The following KCNJ6 variants were observed in gnomAD, a reference collection of about 807,000 sequenced individuals.
KCNJ6 encodes the protein potassium inwardly rectifying channel subfamily J member 6.
Under a neutral mutation model 34.2 loss-of-function variants are expected in KCNJ6, and 9 were observed. The ratio of observed to expected loss-of-function variants is 0.26; its 90% CI spans 0.16 to 0.46. KCNJ6 has a LOEUF of 0.46. Ranked by LOEUF, KCNJ6 falls within the 20% of genes least tolerant of loss-of-function variation. The probability of loss-of-function intolerance (pLI) is 1.00; values close to 1 mark genes in which losing one functional copy is unlikely to be tolerated. For missense variants in KCNJ6, 236 were observed against 531.3 expected, an observed-to-expected ratio of 0.44 and a Z score of 5.46; for synonymous variants, 196 against 207.1, an observed-to-expected ratio of 0.95 and a Z score of 0.46.
intron 3 of KCNJ6, among the ~76,000 whole-genome samples, chr21:37,711,496 A>G (rs1486142181): frequency 6.6e-6 from 1 of 152,170 alleles, no homozygotes; most frequent in Non-Finnish European, 1.5e-5. Flanking sequence ...TGCTATTATC[A>G]CGGCTCCTGA....
At chr21:37,810,154 A>G (rs190321847) in intron 2 of KCNJ6, among the ~76,000 whole-genome samples, 99 of 152,050 alleles carry the variant, frequency 6.5e-4, no homozygotes, top group Middle Eastern at 6.8e-3. Flanking sequence ...AACACACAAA[A>G]TTTTTTCAAG....
At chr21:37,855,685 AT>A (rs2055561478) in intron 1 of KCNJ6, among the ~76,000 whole-genome samples, 1 of 152,198 alleles carries the variant, frequency 6.6e-6, no homozygotes, top group South Asian at 2.1e-4. Flanking sequence ...GGGACCAGTC[AT>A]TGCAGAATCA....
intron 2 of KCNJ6, among the ~76,000 whole-genome samples, chr21:37,767,221 G>A (rs2055095584): frequency 1.3e-5 from 2 of 152,192 alleles, no homozygotes; most frequent in South Asian, 4.1e-4. Context: ...TCTTTGTCTA[G>A]GTGAGAAAGA....
chr21:37,655,235 GAGA>G (rs2054457002), intron 3 of KCNJ6, among the ~76,000 whole-genome samples: 41 of 2,548 alleles, frequency 0.016, no homozygotes, highest in African/African-American at 0.043. Context: ...GAGAGAGAGA[GAGA>G]GAGAGAGAGA....
intron 2 of KCNJ6, among the ~76,000 whole-genome samples, chr21:37,787,965 G>A (rs2055199916): frequency 6.6e-6 from 1 of 152,156 alleles, no homozygotes; most frequent in African/African-American, 2.4e-5. Context: ...CAGATAGGAA[G>A]ATATCTTCTT....
intron 1 of KCNJ6, among the ~76,000 whole-genome samples, chr21:37,884,455 G>T (rs183352682): frequency 6.6e-6 from 1 of 151,950 alleles, no homozygotes; most frequent in Non-Finnish European, 1.5e-5. Context: ...GCCTTCCAGG[G>T]AGCATCATCT....
chr21:37,742,443 G>A (rs1426823708), intron 2 of KCNJ6, among the ~76,000 whole-genome samples: 1 of 151,950 alleles, frequency 6.6e-6, no homozygotes, highest in African/African-American at 2.4e-5. Context: ...TTTTTTTGTT[G>A]TTGTTGTTCT....
At chr21:37,786,570 C>A (rs1231886614) in intron 2 of KCNJ6, among the ~76,000 whole-genome samples, 1 of 152,216 alleles carries the variant, frequency 6.6e-6, no homozygotes, top group Admixed American at 6.5e-5. Flanking sequence ...AGTGCAGCTA[C>A]CCCGATTGGT....
chr21:37,889,081 A>G (rs1037150578), intron 1 of KCNJ6, among the ~76,000 whole-genome samples: 1 of 152,220 alleles, frequency 6.6e-6, no homozygotes, highest in Non-Finnish European at 1.5e-5. Flanking sequence ...AGGGTGGGGC[A>G]TCCTGAAACC....
chr21:37,650,565 G>A (rs2054428652), intron 3 of KCNJ6, among the ~76,000 whole-genome samples: 2 of 152,102 alleles, frequency 1.3e-5, no homozygotes, highest in South Asian at 4.1e-4. Context: ...CTCTCCCTCT[G>A]TTTATTGAAA....
At chr21:37,915,370 T>A (rs972627935) in intron 1 of KCNJ6, among the ~76,000 whole-genome samples, 5 of 152,166 alleles carry the variant, frequency 3.3e-5, no homozygotes, top group African/African-American at 1.2e-4. Flanking sequence ...CAGTTAGGAG[T>A]TACAGTATTC....
chr21:37,697,801 A>G (rs1475128786), intron 3 of KCNJ6, among the ~76,000 whole-genome samples: 1 of 152,074 alleles, frequency 6.6e-6, no homozygotes, highest in Non-Finnish European at 1.5e-5. Flanking sequence ...TGGATGTGTG[A>G]TTTATATTTG....
intron 3 of KCNJ6, among the ~76,000 whole-genome samples, chr21:37,683,625 G>A (rs1261940421): frequency 6.6e-6 from 1 of 152,190 alleles, no homozygotes; most frequent in Non-Finnish European, 1.5e-5. Flanking sequence ...TTGTTTGTTC[G>A]TTTGCATGAA....
At chr21:37,761,753 T>C (rs2055066134) in intron 2 of KCNJ6, among the ~76,000 whole-genome samples, 1 of 151,644 alleles carries the variant, frequency 6.6e-6, no homozygotes, top group South Asian at 2.1e-4. Flanking sequence ...GTGGTATGTG[T>C]GTATGTGTTG....
chr21:37,691,767 C>T (rs889232922), intron 3 of KCNJ6, among the ~76,000 whole-genome samples: 35 of 152,168 alleles, frequency 2.3e-4, no homozygotes, highest in African/African-American at 7.0e-4. Flanking sequence ...TGAGTAACCG[C>T]GCACCTGTGC....
At chr21:37,708,109 C>A (rs1403782214) in intron 3 of KCNJ6, among the ~76,000 whole-genome samples, 2 of 152,096 alleles carry the variant, frequency 1.3e-5, no homozygotes, top group Non-Finnish European at 1.5e-5. Context: ...GAAGGAAGAA[C>A]AATGGATTTT....
At chr21:37,872,811 T>C (rs909347526) in intron 1 of KCNJ6, among the ~76,000 whole-genome samples, 1 of 152,206 alleles carries the variant, frequency 6.6e-6, no homozygotes, top group East Asian at 1.9e-4. Flanking sequence ...TCGGAGGTAA[T>C]TGAACCATGG....
chr21:37,827,975 C>T (rs935873908), intron 2 of KCNJ6, among the ~76,000 whole-genome samples: 10 of 152,152 alleles, frequency 6.6e-5, no homozygotes, highest in African/African-American at 2.2e-4. Flanking sequence ...CCTGTAGCCT[C>T]ACAGCTAGGA....
At chr21:37,816,518 G>A (rs1165250866) in intron 2 of KCNJ6, among the ~76,000 whole-genome samples, 1 of 152,064 alleles carries the variant, frequency 6.6e-6, no homozygotes, top group Non-Finnish European at 1.5e-5. Flanking sequence ...TCTCCTCCTC[G>A]CCCAATCTTT....
Sources: allele counts gnomAD v4.1 joint callset (sites outside exome capture counted in the v4.1 genomes callset), GRCh38; gene constraint gnomAD v4.1.1; transcripts MANE v1.5; gene names NCBI Gene and HGNC (gene_info 2026-07-23, HGNC 2026-07-21).